The following MBNL2 variants were observed in gnomAD, a reference collection of about 807,000 sequenced individuals.
MBNL2 encodes the protein muscleblind-like protein 2.
Under a neutral mutation model 41.9 loss-of-function variants are expected in MBNL2, and 17 were observed. That is an observed-to-expected ratio of 0.41 (90% CI 0.28 to 0.61). The LOEUF (loss-of-function observed/expected upper bound fraction) is 0.61. Ranked by LOEUF, MBNL2 falls within the 20% of genes least tolerant of loss-of-function variation. The probability of loss-of-function intolerance (pLI) is 0.35; values close to 1 mark genes in which losing one functional copy is unlikely to be tolerated. For missense variants in MBNL2, 336 were observed against 505.6 expected (o/e 0.66, Z 3.22); for synonymous variants, 195 against 182.9 (o/e 1.07, Z -0.53).
chr13:97,206,243 A>ATT, the MBNL2 span, among the ~76,000 whole-genome samples: 1 of 151,756 alleles, frequency 6.6e-6, no homozygotes, highest in Non-Finnish European at 1.5e-5. Flanking sequence ...AGCCACGTAG[A>ATT]TTTTTTTTCT....
chr13:97,155,248 C>T, the MBNL2 span, among the ~76,000 whole-genome samples: 3 of 151,836 alleles, frequency 2.0e-5, no homozygotes, highest in South Asian at 6.2e-4. Context: ...TTCTCTTTAT[C>T]CATGGTTAAT....
At chr13:97,176,483 G>T in the MBNL2 span, among the ~76,000 whole-genome samples, 1 of 152,120 alleles carries the variant, frequency 6.6e-6, no homozygotes, top group South Asian at 2.1e-4. Context: ...AGGCATAAAA[G>T]ATGGAGCAGT....
chr13:97,388,749 T>G (rs1448681285), intron 8 of MBNL2, among the ~76,000 whole-genome samples: 1 of 152,114 alleles, frequency 6.6e-6, no homozygotes, highest in Non-Finnish European at 1.5e-5. Context: ...CCAGGGCATA[T>G]TTCACCCCAG....
upstream of MBNL2, among the ~76,000 whole-genome samples, chr13:97,221,251 C>CT (rs3840811): frequency 1.6e-4 from 24 of 151,640 alleles, no homozygotes; most frequent in East Asian, 3.1e-3. Context: ...AATCATCATA[C>CT]TTTTTTTTTC....
intron 1 of MBNL2, among the ~76,000 whole-genome samples, chr13:97,273,138 A>C (rs1195416803): frequency 6.6e-6 from 1 of 151,966 alleles, no homozygotes; most frequent in Non-Finnish European, 1.5e-5. Context: ...CTTGGGAGAG[A>C]CTCTGCTGCC....
chr13:97,226,138 T>G (rs1450464170), intron 1 of MBNL2, among the ~76,000 whole-genome samples: 16 of 152,202 alleles, frequency 1.1e-4, no homozygotes, highest in Admixed American at 1.0e-3. Context: ...GGCCTCCGAC[T>G]GCACGGCTCC....
intron 8 of MBNL2, among the ~76,000 whole-genome samples, chr13:97,369,318 T>G (rs947522927): frequency 3.3e-5 from 5 of 152,192 alleles, no homozygotes; most frequent in African/African-American, 1.2e-4. Flanking sequence ...GTTTCCTCAT[T>G]TGTGAAAGGA....
At chr13:97,241,064 T>G (rs1566360805) in intron 1 of MBNL2, among the ~76,000 whole-genome samples, 1 of 152,208 alleles carries the variant, frequency 6.6e-6, no homozygotes, top group East Asian at 1.9e-4. Context: ...TGCCGTTCCA[T>G]TCTAGCCCTC....
At chr13:97,207,227 T>C in the MBNL2 span, among the ~76,000 whole-genome samples, 1 of 152,250 alleles carries the variant, frequency 6.6e-6, no homozygotes, top group Non-Finnish European at 1.5e-5. Flanking sequence ...TCTTAAATTA[T>C]GCAGAGAAGC....
chr13:97,233,850 C>G (rs2152791834), intron 1 of MBNL2, among the ~76,000 whole-genome samples: 1 of 152,224 alleles, frequency 6.6e-6, no homozygotes, highest in East Asian at 1.9e-4. Context: ...CCTGGGTACT[C>G]AAGTACCAGA....
At chr13:97,247,487 A>G (rs2045697711) in intron 1 of MBNL2, among the ~76,000 whole-genome samples, 1 of 152,188 alleles carries the variant, frequency 6.6e-6, no homozygotes, top group Admixed American at 6.5e-5. Flanking sequence ...GAACCCCGAC[A>G]TAGGTCTTCT....
At position 97,349,121 on chromosome 13, in the gene MBNL2, A is replaced by G. The variant is rs149976312; in HGVS notation, c.804+2054A>G. 3.3e-5 allele frequency among the ~76,000 whole-genome samples: 5 copies of G among 152,150 alleles called. No individual in the cohort carries two copies. In the South Asian group the frequency reaches 1.0e-3, roughly 32 times the overall value. On this transcript the variant is annotated intron_variant, in intron 5 of 8. Coordinates refer to ENST00000679496, the MANE Select transcript of MBNL2 (RefSeq NM_001382683.1). ...TCCTTTCCTCTCGTCCTTCTCATTC[A>G]TATGTTATTGGACCTAATATTTTTT...
At chr13:97,305,144 G>T (rs2058011413) in intron 2 of MBNL2, among the ~76,000 whole-genome samples, 1 of 152,218 alleles carries the variant, frequency 6.6e-6, no homozygotes, top group Non-Finnish European at 1.5e-5. Flanking sequence ...TAAAATTCCA[G>T]TTAGCATCTT....
the MBNL2 span, among the ~76,000 whole-genome samples, chr13:97,205,703 A>C: frequency 6.6e-6 from 1 of 152,240 alleles, no homozygotes; most frequent in South Asian, 2.1e-4. Flanking sequence ...TTAAGTAAAC[A>C]GTTAAGACAG....
At chr13:97,329,077 T>C (rs952369288) in intron 2 of MBNL2, among the ~76,000 whole-genome samples, 1 of 152,218 alleles carries the variant, frequency 6.6e-6, no homozygotes, top group African/African-American at 2.4e-5. Flanking sequence ...ATTACAGTTA[T>C]TTAGCATCTT....
chr13:97,381,781 AT>A, intron 8 of MBNL2, among the ~76,000 whole-genome samples: 1 of 151,958 alleles, frequency 6.6e-6, no homozygotes, highest in Non-Finnish European at 1.5e-5. Flanking sequence ...AAAAATAGAT[AT>A]ATTAGGAAAA....
chr13:97,305,730 C>G (rs2058062342), intron 2 of MBNL2, among the ~76,000 whole-genome samples: 1 of 151,986 alleles, frequency 6.6e-6, no homozygotes, highest in Admixed American at 6.6e-5. Context: ...GCGCACACCA[C>G]TGCACTCCAG....
chr13:97,144,388 T>C, the MBNL2 span, among the ~76,000 whole-genome samples: 1 of 150,016 alleles, frequency 6.7e-6, no homozygotes, highest in Non-Finnish European at 1.5e-5. Context: ...TTAAAAACCA[T>C]GAAGCTCCTC....
chr13:97,200,962 T>C, the MBNL2 span, among the ~76,000 whole-genome samples: 1 of 152,300 alleles, frequency 6.6e-6, no homozygotes, highest in African/African-American at 2.4e-5. Flanking sequence ...TGAAAGTTCA[T>C]TTCTCATCAA....
Sources: allele counts gnomAD v4.1 joint callset (sites outside exome capture counted in the v4.1 genomes callset), GRCh38; gene constraint gnomAD v4.1.1; transcripts MANE v1.5; gene names NCBI Gene and HGNC (gene_info 2026-07-23, HGNC 2026-07-21).